Variants in GLMN observed in about 807,000 individuals in gnomAD.
GLMN encodes glomulin, FKBP associated protein.
In GLMN, 75 loss-of-function variants were observed where a neutral mutation model predicts 87.8. The observed-to-expected ratio is 0.85, with a 90% confidence interval of 0.71 to 1.04. GLMN has a LOEUF of 1.04. GLMN is among the 50% of genes least tolerant of loss of function. The pLI is 0.00. For missense variants in GLMN, 588 were observed against 658.8 expected (o/e 0.89, Z 1.18); for synonymous variants, 206 against 221.6 (o/e 0.93, Z 0.63).
chr1:92,342,150 A>G, the GLMN span, among the ~76,000 whole-genome samples: 2 of 152,200 alleles, frequency 1.3e-5, no homozygotes, highest in Non-Finnish European at 2.9e-5. Context: ...GGGAAATCAA[A>G]TAGTACTAAG....
the GLMN span, chr1:92,307,116 T>C: frequency 9.9e-7 from 1 of 1,010,076 alleles, no homozygotes; most frequent in Admixed American, 2.4e-5. Flanking sequence ...ACATTTATGT[T>C]TTATACTCTC....
At chr1:92,327,124 G>T in the GLMN span, among the ~76,000 whole-genome samples, 1 of 152,132 alleles carries the variant, frequency 6.6e-6, no homozygotes. Flanking sequence ...TTGTTCTAGG[G>T]TATAATCAAA....
chr1:92,360,718 T>G, the GLMN span, among the ~76,000 whole-genome samples: 1 of 152,186 alleles, frequency 6.6e-6, no homozygotes, highest in African/African-American at 2.4e-5. Flanking sequence ...TCAGTGTTAT[T>G]TGGTAACATT....
chr1:92,259,835 G>A (rs750532969), intron 16 of GLMN, among the ~76,000 whole-genome samples: 62 of 141,846 alleles, frequency 4.4e-4, no homozygotes, highest in Middle Eastern at 7.2e-3. Context: ...CCCGGTTCAC[G>A]CCATTCTCCT....
intron 7 of GLMN, among the ~76,000 whole-genome samples, chr1:92,279,456 CAAAAAAAAAA>C (rs35221344): frequency 5.6e-5 from 4 of 70,876 alleles, no homozygotes; most frequent in Non-Finnish European, 8.1e-5. Flanking sequence ...GACTCTGTCA[CAAAAAAAAAA>C]AAAAAAAAAA....
At chr1:92,292,312 G>C (rs942817036) in intron 3 of GLMN, among the ~76,000 whole-genome samples, 6 of 152,128 alleles carry the variant, frequency 3.9e-5, no homozygotes, top group Non-Finnish European at 7.3e-5. Flanking sequence ...AGCACCTTAG[G>C]AGGCTGAGGC....
chr1:92,339,747 GGCTCATGTCTGTAA>G, the GLMN span, among the ~76,000 whole-genome samples: 3 of 152,016 alleles, frequency 2.0e-5, no homozygotes, highest in African/African-American at 7.3e-5. Context: ...CGGGCACAGT[GGCTCATGTCTGTAA>G]TCCCAGCACT....
At chr1:92,357,994 A>G in the GLMN span, among the ~76,000 whole-genome samples, 4 of 152,166 alleles carry the variant, frequency 2.6e-5, no homozygotes, top group Non-Finnish European at 5.9e-5. Flanking sequence ...TGGCGTGATC[A>G]TAGCCCACTG....
chr1:92,271,717 T>G, intron 7 of GLMN, 65 bp from the exon 8 acceptor site: 2 of 1,070,008 alleles, frequency 1.9e-6, no homozygotes, highest in Non-Finnish European at 2.9e-6. Context: ...ACCCCGTGTA[T>G]TCAAACTCCA....
the GLMN span, chr1:92,345,796 A>G: frequency 2.7e-6 from 3 of 1,131,208 alleles, no homozygotes; most frequent in African/African-American, 4.7e-5. Flanking sequence ...AAGAAATAGA[A>G]AGTTTATTTA....
the GLMN span, among the ~76,000 whole-genome samples, chr1:92,321,627 G>A: frequency 2.2e-4 from 34 of 151,842 alleles, no homozygotes; most frequent in Non-Finnish European, 3.7e-4. Flanking sequence ...TCCCTTTTTC[G>A]TAATTCTTCA....
chr1:92,294,630 G>A (rs904365240), intron 3 of GLMN, among the ~76,000 whole-genome samples: 1 of 151,302 alleles, frequency 6.6e-6, no homozygotes, highest in African/African-American at 2.4e-5. Flanking sequence ...AGTAAATCTT[G>A]GTCAATTTTG....
intron 16 of GLMN, among the ~76,000 whole-genome samples, chr1:92,259,887 C>G (rs568972759): frequency 1.3e-5 from 2 of 152,018 alleles, no homozygotes; most frequent in South Asian, 4.2e-4. Context: ...GCACCCGCCA[C>G]CATGCCTGGC....
chr1:92,316,048 G>A, the GLMN span, among the ~76,000 whole-genome samples: 17 of 152,326 alleles, frequency 1.1e-4, no homozygotes, highest in African/African-American at 4.1e-4. Context: ...TTGGCTAAAT[G>A]TAGGCTCTGA....
intron 7 of GLMN, among the ~76,000 whole-genome samples, chr1:92,282,301 G>T (rs1357184766): frequency 6.6e-6 from 1 of 152,172 alleles, no homozygotes; most frequent in Non-Finnish European, 1.5e-5. Context: ...AATCAAATTA[G>T]AACTCAGGAT....
At chr1:92,259,820 C>CGGTGA (rs1557518762) in intron 16 of GLMN, among the ~76,000 whole-genome samples, 18 of 149,602 alleles carry the variant, frequency 1.2e-4, no homozygotes, top group Non-Finnish European at 2.2e-4. Context: ...CTGCAAGCTC[C>CGGTGA]GCCTCCCGGT....
At chr1:92,283,827 T>C (rs958359774) in intron 7 of GLMN, among the ~76,000 whole-genome samples, 2 of 151,876 alleles carry the variant, frequency 1.3e-5, no homozygotes, top group Admixed American at 6.6e-5. Context: ...ACACCAATAA[T>C]AGACAAACAG....
intron 7 of GLMN, among the ~76,000 whole-genome samples, chr1:92,276,650 G>A (rs1201451114): frequency 6.6e-6 from 1 of 152,146 alleles, no homozygotes; most frequent in Non-Finnish European, 1.5e-5. Context: ...CAATGGGAGT[G>A]AAACCCTGTC....
chr1:92,274,105 T>C (rs1374243360), intron 7 of GLMN, among the ~76,000 whole-genome samples: 1 of 152,218 alleles, frequency 6.6e-6, no homozygotes, highest in Non-Finnish European at 1.5e-5. Flanking sequence ...CCTCATTTCA[T>C]CTCCAAGCTG....
Sources: gnomAD v4.1 joint callset for allele counts (sites outside exome capture counted in the v4.1 genomes callset) on GRCh38, gnomAD v4.1.1 for gene constraint, MANE v1.5 for transcripts, NCBI Gene and HGNC (gene_info 2026-07-23, HGNC 2026-07-21) for gene names.